FAF1: variants seen among roughly 807,000 people sequenced by gnomAD.
The protein encoded by FAF1 is FAS-associated factor 1.
A neutral mutation model predicts 92.5 loss-of-function variants in FAF1; 25 were observed. That is an observed-to-expected ratio of 0.27 (90% CI 0.20 to 0.38). The LOEUF (loss-of-function observed/expected upper bound fraction) is 0.38. FAF1 is among the 10% of genes least tolerant of loss of function. The pLI is 1.00. For synonymous variants in FAF1, 234 were observed against 273.2 expected (o/e 0.86, Z 1.42); for missense variants, 636 against 793.3 (o/e 0.80, Z 2.38).
At chr1:50,513,503 T>C (rs1428644374) in intron 15 of FAF1, among the ~76,000 whole-genome samples, 1 of 151,986 alleles carries the variant, frequency 6.6e-6, no homozygotes, top group Non-Finnish European at 1.5e-5. Context: ...AAAAAAAGAA[T>C]TCCCTAGCCC....
At chr1:50,794,926 C>T (rs549751229) in intron 3 of FAF1, among the ~76,000 whole-genome samples, 1 of 152,062 alleles carries the variant, frequency 6.6e-6, no homozygotes, top group Non-Finnish European at 1.5e-5. Context: ...CGTGAGCCAC[C>T]GTACCTGGCT....
chr1:50,762,133 G>A (rs1371305400), intron 4 of FAF1, among the ~76,000 whole-genome samples: 2 of 152,082 alleles, frequency 1.3e-5, no homozygotes, highest in Admixed American at 1.3e-4. Flanking sequence ...AACTTACAAG[G>A]GACGTGAAGG....
intron 2 of FAF1, among the ~76,000 whole-genome samples, chr1:50,809,152 C>A (rs1377237899): frequency 6.6e-6 from 1 of 151,998 alleles, no homozygotes; most frequent in Non-Finnish European, 1.5e-5. Flanking sequence ...TAGCGCTGAA[C>A]ACCCACAGCA....
chr1:50,561,253 C>T (rs1310277147), intron 13 of FAF1, among the ~76,000 whole-genome samples: 3 of 152,124 alleles, frequency 2.0e-5, no homozygotes, highest in Non-Finnish European at 4.4e-5. Context: ...GGCCTGGGAG[C>T]ACCTGAGGCA....
At chr1:50,507,302 A>G (rs973585938) in intron 15 of FAF1, among the ~76,000 whole-genome samples, 1 of 152,254 alleles carries the variant, frequency 6.6e-6, no homozygotes, top group Non-Finnish European at 1.5e-5. Context: ...TTGATAATTT[A>G]AAGTCAAGTT....
At chr1:50,568,496 C>T (rs1053017268) in intron 12 of FAF1, among the ~76,000 whole-genome samples, 7 of 152,160 alleles carry the variant, frequency 4.6e-5, no homozygotes, top group South Asian at 2.1e-4. Context: ...AGGTAAATTT[C>T]GTAATAGATG....
intron 7 of FAF1, among the ~76,000 whole-genome samples, chr1:50,676,188 C>T (rs191133684): frequency 6.6e-6 from 1 of 152,016 alleles, no homozygotes; most frequent in Non-Finnish European, 1.5e-5. Flanking sequence ...CAGCAGATCA[C>T]CTCAGGTCAG....
chr1:50,800,651 G>C (rs1661953017), intron 3 of FAF1, among the ~76,000 whole-genome samples: 1 of 152,144 alleles, frequency 6.6e-6, no homozygotes, highest in Non-Finnish European at 1.5e-5. Context: ...AGGTGGTACA[G>C]GTATCAAACA....
At chr1:50,882,359 C>G (rs1018747438) in intron 1 of FAF1, among the ~76,000 whole-genome samples, 5 of 151,890 alleles carry the variant, frequency 3.3e-5, no homozygotes, top group African/African-American at 1.2e-4. Flanking sequence ...TTTGGGAGGC[C>G]AAGGCGGGTG....
intron 8 of FAF1, among the ~76,000 whole-genome samples, chr1:50,624,304 C>T (rs1389771181): frequency 2.0e-5 from 3 of 152,124 alleles, no homozygotes; most frequent in East Asian, 1.9e-4. Flanking sequence ...CCAGCCACCA[C>T]GCCCAGCTAA....
At chr1:50,451,904 G>T in intron 18 of FAF1, 6 of 1,086,916 alleles carry the variant, frequency 5.5e-6, no homozygotes, top group Non-Finnish European at 6.7e-6. Context: ...TGTTAAAATG[G>T]TCTCAAACTT....
intron 2 of FAF1, among the ~76,000 whole-genome samples, chr1:50,825,948 A>C (rs111438623): frequency 0.012 from 1,902 of 152,304 alleles, 43 homozygotes; most frequent in African/African-American, 0.042. Context: ...ATTAAAACAA[A>C]TTCCATATTT....
chr1:50,619,688 A>G (rs1484700327), intron 8 of FAF1, among the ~76,000 whole-genome samples: 1 of 151,988 alleles, frequency 6.6e-6, no homozygotes, highest in East Asian at 1.9e-4. Flanking sequence ...TTTCTTTTAC[A>G]TTGACCTTGG....
intron 1 of FAF1, among the ~76,000 whole-genome samples, chr1:50,958,080 G>A (rs1044168487): frequency 1.3e-5 from 2 of 152,074 alleles, no homozygotes; most frequent in Non-Finnish European, 2.9e-5. Flanking sequence ...TAGATCACTT[G>A]AGCCCAGGAG....
At chr1:50,804,111 T>C (rs1450202995) in intron 2 of FAF1, among the ~76,000 whole-genome samples, 2 of 152,180 alleles carry the variant, frequency 1.3e-5, no homozygotes, top group Non-Finnish European at 2.9e-5. Context: ...TGTGTATTAA[T>C]TGCCAACTAT....
intron 6 of FAF1, among the ~76,000 whole-genome samples, chr1:50,736,707 T>C (rs1659153937): frequency 6.6e-6 from 1 of 151,700 alleles, no homozygotes; most frequent in Non-Finnish European, 1.5e-5. Flanking sequence ...GCTGAGATCA[T>C]GCCATTGTAC....
At chr1:50,715,858 GC>G (rs1246643544) in intron 6 of FAF1, among the ~76,000 whole-genome samples, 1 of 151,946 alleles carries the variant, frequency 6.6e-6, no homozygotes. Flanking sequence ...TAAAACATAG[GC>G]CCTAATAAAT....
At chr1:50,807,477 T>C (rs1050169920) in intron 2 of FAF1, among the ~76,000 whole-genome samples, 2 of 152,132 alleles carry the variant, frequency 1.3e-5, no homozygotes, top group African/African-American at 4.8e-5. Flanking sequence ...TTTTAAACTA[T>C]CAGATCTCAT....
intron 6 of FAF1, among the ~76,000 whole-genome samples, chr1:50,726,188 G>A (rs186270243): frequency 9.2e-5 from 14 of 152,036 alleles, no homozygotes; most frequent in African/African-American, 3.4e-4. Context: ...CTCAGGAGGC[G>A]GAGGTTGCAG....
Sources: allele counts gnomAD v4.1 joint callset (sites outside exome capture counted in the v4.1 genomes callset), GRCh38; gene constraint gnomAD v4.1.1; transcripts MANE v1.5; gene names NCBI Gene and HGNC (gene_info 2026-07-23, HGNC 2026-07-21).